DNAJC2: variants seen among roughly 807,000 people sequenced by gnomAD.
DNAJC2 encodes the protein DnaJ heat shock protein family (Hsp40) member C2, also known as dnaJ homolog subfamily C member 2.
DNAJC2 carries 32 observed loss-of-function variants against 94.0 expected under a neutral mutation model. That is an observed-to-expected ratio of 0.34 (90% CI 0.26 to 0.46). The LOEUF (loss-of-function observed/expected upper bound fraction) is 0.46, where lower values mean the gene tolerates loss of function less well. Among genes scored for constraint, DNAJC2 ranks in the 20% least tolerant of loss-of-function variants. DNAJC2 has a pLI of 1.00. For missense variants in DNAJC2, 550 were observed against 719.5 expected (o/e 0.76, Z 2.69); for synonymous variants, 210 against 229.7 (o/e 0.91, Z 0.77).
intron 3 of DNAJC2, among the ~76,000 whole-genome samples, chr7:103,330,173 T>C (rs1367921611): frequency 1.3e-5 from 2 of 152,242 alleles, no homozygotes; most frequent in Non-Finnish European, 2.9e-5. Flanking sequence ...TTTAATATTA[T>C]CTGAGCTATA....
chr7:103,315,182 TTGA>T (rs1213984109), intron 15 of DNAJC2, among the ~76,000 whole-genome samples: 1 of 151,482 alleles, frequency 6.6e-6, no homozygotes, highest in Non-Finnish European at 1.5e-5. Flanking sequence ...TTTTTTTTTT[TTGA>T]GTCTTACTAT....
intron 4 of DNAJC2, among the ~76,000 whole-genome samples, chr7:103,326,942 T>G (rs1215162863): frequency 6.6e-6 from 1 of 152,132 alleles, no homozygotes; most frequent in Non-Finnish European, 1.5e-5. Context: ...AGAGAAAAGA[T>G]GACTCTGGGG....
intron 9 of DNAJC2, 42 bp from the exon 10 acceptor site, chr7:103,322,123 A>G (rs774992993): frequency 7.8e-6 from 11 of 1,415,052 alleles, no homozygotes; most frequent in African/African-American, 4.3e-5. Context: ...AGGTACAGTA[A>G]AATTCCTAAA....
intron 4 of DNAJC2, chr7:103,327,376 A>T: frequency 8.1e-7 from 1 of 1,239,108 alleles, no homozygotes; most frequent in South Asian, 1.3e-5. Flanking sequence ...TCACCTGGGG[A>T]TCCTGTTAAA....
chr7:103,344,441 T>C (rs1819517690), intron 1 of DNAJC2, 118 bp downstream of exon 1: 1 of 1,166,070 alleles, frequency 8.6e-7, no homozygotes, highest in East Asian at 2.4e-5. Flanking sequence ...CACGGCCCCA[T>C]ACGGCCCCGG....
At position 103,344,667 on chromosome 7, in the gene DNAJC2, G is replaced by A. The variant is rs780764801; in HGVS notation, c.-45C>T. ...CGGTGGGCGCAGCGGCTCACGTCCCGGGCGGAGGGCGCTTAGGGTCCCCTC... is the reference window on the plus strand; with the variant it reads ...CGGTGGGCGCAGCGGCTCACGTCCCAGGCGGAGGGCGCTTAGGGTCCCCTC... On this transcript the variant is annotated 5_prime_UTR_variant, in exon 1 of 17. Transcript: ENST00000379263. 3.1e-6 allele frequency: 5 copies of A among 1,593,206 alleles called. No individual in the cohort carries two copies. In the South Asian group the frequency reaches 4.4e-5, roughly 14 times the overall value.
intron 15 of DNAJC2, chr7:103,314,620 T>G (rs1256753299): frequency 2.0e-6 from 2 of 985,332 alleles, no homozygotes; most frequent in South Asian, 4.7e-5. Flanking sequence ...GAAGTGTCTT[T>G]CAGGTGTTCT....
chr7:103,326,971 A>G (rs1818740506), intron 4 of DNAJC2, among the ~76,000 whole-genome samples: 1 of 152,210 alleles, frequency 6.6e-6, no homozygotes, highest in Non-Finnish European at 1.5e-5. Context: ...ATAGCTAGTA[A>G]GTTAATTGTT....
rs1024550450 is a variant in DNAJC2 at position 103,322,135 on chromosome 7, G to T, written c.934-54C>A. 8 of 1,307,164 alleles carry T rather than the reference G, an allele frequency of 6.1e-6. No individual in the cohort carries two copies. The African/African-American group carries it at 7.6e-5, about 12-fold the overall frequency. 81.0% of individuals were successfully genotyped at this position (1,307,164 alleles called of 1,614,324 possible). On this transcript the variant is annotated intron_variant, in intron 9 of 16. Transcript: ENST00000379263. ...AATAGGTACAGTAAAATTCCTAAAT[G>T]TTTTATAATTTTAAAAATTTAAACT... is the stretch of plus-strand genomic sequence containing the variant.
chr7:103,320,086 GTTT>G (rs1156248482), intron 10 of DNAJC2, among the ~76,000 whole-genome samples: 1 of 151,970 alleles, frequency 6.6e-6, no homozygotes, highest in Non-Finnish European at 1.5e-5. Context: ...CAGTGTAAAT[GTTT>G]TTAACTTTTT....
At position 103,344,442 on chromosome 7, in the gene DNAJC2, A is replaced by C. The variant is rs936574761; in HGVS notation, c.64+117T>G. The stretch of plus-strand genomic sequence containing the variant: ...AAAAAGGCACTCGTCACGGCCCCAT[A>C]CGGCCCCGGGGCTAGTCGCCAGGGT... On this transcript the variant is annotated intron_variant, in intron 1 of 16. Transcript: ENST00000379263. 1.2e-5 allele frequency: 14 copies of C among 1,171,910 alleles called. No homozygotes were observed. In the East Asian group the frequency reaches 3.1e-4, roughly 26 times the overall value. 72.6% of individuals were successfully genotyped at this position (1,171,910 alleles called of 1,614,324 possible). A position where few individuals can be genotyped will look rare whatever the true frequency, so the allele number is the denominator to read the frequency against.
intron 3 of DNAJC2, chr7:103,329,556 C>T (rs937074934): frequency 6.6e-6 from 1 of 152,114 alleles, no homozygotes; most frequent in Non-Finnish European, 1.5e-5. Flanking sequence ...ATTAACATTT[C>T]CTATAGACTG....
rs1586054385 is a variant in DNAJC2 at position 103,312,466 on chromosome 7, A to G, written c.*103T>C. 5.2e-6 allele frequency: 8 copies of G among 1,541,978 alleles called. No individual in the cohort carries two copies. The highest frequency in any genetic ancestry group is 4.6e-5 in the East Asian group (2 of 43,430). On this transcript the variant is annotated 3_prime_UTR_variant, in exon 17 of 17. Coordinates refer to ENST00000379263, the MANE Select transcript of DNAJC2 (RefSeq NM_014377.3). ...TTTGTTCTCTGAGAAATTATGTTGG[A>G]AGCAGCATACTTTCAAATTATTACC...
intron 15 of DNAJC2, chr7:103,314,434 T>C (rs1302855240): frequency 2.0e-6 from 2 of 985,282 alleles, no homozygotes; most frequent in Admixed American, 1.2e-4. Flanking sequence ...CTACTGCCAG[T>C]CACTCTTGCC....
At chr7:103,319,248 C>A (rs1818246072) in intron 12 of DNAJC2, among the ~76,000 whole-genome samples, 1 of 152,142 alleles carries the variant, frequency 6.6e-6, no homozygotes, top group African/African-American at 2.4e-5. Context: ...ACCAGCCTGA[C>A]CAACATGGTG....
intron 10 of DNAJC2, 105 bp downstream of exon 10, chr7:103,321,827 G>A (rs945440178): frequency 1.1e-5 from 14 of 1,313,576 alleles, no homozygotes; most frequent in Middle Eastern, 2.1e-4. Flanking sequence ...CAGCCTGGGC[G>A]ACAGAGCGAG....
chr7:103,319,585 A>G lies in DNAJC2; in HGVS notation c.1242+24T>C, dbSNP rs1483980523. Reference sequence around the variant, plus strand: ...GCAGAATTAAATGCTACATATAGGTAGGAGTGATGTGTTCCTCTATTACCT... The same window carrying G: ...GCAGAATTAAATGCTACATATAGGTGGGAGTGATGTGTTCCTCTATTACCT... On this transcript the variant is annotated intron_variant, in intron 12 of 16. Coordinates refer to ENST00000379263, the MANE Select transcript of DNAJC2 (RefSeq NM_014377.3). The G allele has an allele frequency of 1.9e-6, 3 of 1,609,270 alleles. No homozygotes were observed. The Admixed American group carries it at 5.0e-5, about 27-fold the overall frequency.
intron 1 of DNAJC2, among the ~76,000 whole-genome samples, chr7:103,343,253 G>A (rs1819459630): frequency 6.6e-6 from 1 of 151,906 alleles, no homozygotes; most frequent in African/African-American, 2.4e-5. Flanking sequence ...CACCTGCCTC[G>A]GCCTCCCAAA....
intron 3 of DNAJC2, among the ~76,000 whole-genome samples, chr7:103,330,295 T>G: frequency 6.6e-6 from 1 of 152,112 alleles, no homozygotes; most frequent in Admixed American, 6.6e-5. Context: ...TTATTTTATT[T>G]TTTTTTTTGA....
Sources: gnomAD v4.1 joint callset for allele counts (sites outside exome capture counted in the v4.1 genomes callset) on GRCh38, gnomAD v4.1.1 for gene constraint, MANE v1.5 for transcripts, NCBI Gene and HGNC (gene_info 2026-07-23, HGNC 2026-07-21) for gene names.